The following CCDC74A variants were observed in gnomAD, a reference collection of about 807,000 sequenced individuals.
The protein encoded by CCDC74A is coiled-coil domain containing 74A, also known as coiled-coil domain-containing protein 74A.
In CCDC74A, 38 loss-of-function variants were observed where a neutral mutation model predicts 37.6. That is an observed-to-expected ratio of 1.01 (90% confidence interval 0.78 to 1.33). The LOEUF (loss-of-function observed/expected upper bound fraction) is 1.33. Among genes scored for constraint, CCDC74A ranks in the 40% most tolerant of loss-of-function variants. The pLI, the probability that CCDC74A is intolerant of heterozygous loss-of-function variation, is 0.00. For missense variants in CCDC74A, 340 were observed against 403.4 expected, an observed-to-expected ratio of 0.84 and a Z score of 1.35; for synonymous variants, 134 against 165.2, an observed-to-expected ratio of 0.81 and a Z score of 1.45.
chr2:131,524,886 CAAAAA>C (rs57589680), upstream of CCDC74A, among the ~76,000 whole-genome samples: 22,021 of 97,976 alleles, frequency 0.22, 1,885 homozygotes, highest in East Asian at 0.59. Context: ...CATAGTAAGA[CAAAAA>C]AAAAAAAAAA....
At chr2:131,530,316 T>C in intron 2 of CCDC74A, 1 of 1,543,218 alleles carries the variant, frequency 6.5e-7, no homozygotes, top group Non-Finnish European at 8.7e-7. Flanking sequence ...GACATCTGAC[T>C]GGTGGATGGA....
chr2:131,531,364 A>T (rs1681266703), intron 3 of CCDC74A, among the ~76,000 whole-genome samples: 1 of 151,778 alleles, frequency 6.6e-6, no homozygotes, highest in South Asian at 2.1e-4. Context: ...TGCCGAGGAA[A>T]CCCATGCAGG....
upstream of CCDC74A, among the ~76,000 whole-genome samples, chr2:131,522,829 T>C (rs1257052189): frequency 6.6e-6 from 1 of 152,196 alleles, no homozygotes; most frequent in African/African-American, 2.4e-5. Flanking sequence ...ACCTTTCCCC[T>C]TGGACATCCA....
chr2:131,532,969 T>G (rs1681622122), intron 6 of CCDC74A, 32 bp downstream of exon 6: 1 of 1,613,934 alleles, frequency 6.2e-7, no homozygotes, highest in East Asian at 2.2e-5. Flanking sequence ...GCCCCATCCC[T>G]GGGGTCCTAT....
intron 2 of CCDC74A, 162 bp downstream of exon 2, chr2:131,529,853 T>C (rs1680917983): frequency 6.0e-6 from 9 of 1,499,730 alleles, no homozygotes; most frequent in South Asian, 1.3e-5. Flanking sequence ...TAGCCGTGGC[T>C]GGACGATGTT....
At chr2:131,528,468 C>T (rs758602596) in intron 1 of CCDC74A, 21 of 1,537,942 alleles carry the variant, frequency 1.4e-5, no homozygotes, top group Admixed American at 2.0e-5. Context: ...ATGCTGACTC[C>T]GCCAATCCTC....
At chr2:131,525,911 G>A (rs1195108276), upstream of CCDC74A, among the ~76,000 whole-genome samples, 2 of 151,178 alleles carry the variant, frequency 1.3e-5, no homozygotes, top group Admixed American at 6.6e-5. Flanking sequence ...GTAGAGATGG[G>A]GTTTCACCGT....
In CCDC74A at chr2:131,533,009, C is replaced by T. The variant is rs367995139; in HGVS notation, c.753-4C>T. The T allele has an allele frequency of 8.7e-6, 14 of 1,613,862 alleles. No individual in the cohort carries two copies. The African/African-American group carries it at 1.9e-4, about 22-fold the overall frequency. On this transcript the variant is annotated splice_polypyrimidine_tract_variant and splice_region_variant and intron_variant, in intron 6 of 7. Coordinates refer to ENST00000409856, the MANE Select transcript of CCDC74A (RefSeq NM_001258306.3). The stretch of plus-strand genomic sequence containing the variant: ...AGCTCACTGCTGACTCTTCCTTCAC[C>T]CAGGGACCAAGAAGCCACGCATTTC...
chr2:131,528,250 C>T, intron 1 of CCDC74A, 30 bp downstream of exon 1: 3 of 1,608,472 alleles, frequency 1.9e-6, no homozygotes. Flanking sequence ...TAGGCCGGCC[C>T]TGCCTCCCCA....
intron 1 of CCDC74A, 47 bp from the exon 2 acceptor site, chr2:131,529,600 T>C: frequency 6.2e-7 from 1 of 1,613,378 alleles, no homozygotes; most frequent in Non-Finnish European, 8.5e-7. Context: ...TCTCTCAGAA[T>C]AGCTGTGGTT....
In CCDC74A at chr2:131,531,009, G is replaced by T. The variant is rs530217798; in HGVS notation, c.346+182G>T. 4.8e-3 allele frequency among the ~76,000 whole-genome samples: 723 copies of T among 152,110 alleles called. 5 individuals carry two copies. Among genetic ancestry groups the T allele is most frequent in the African/African-American group, 0.017 (688 of 41,496 alleles). On this transcript the variant is annotated intron_variant, in intron 3 of 7. Coordinates refer to ENST00000409856, the MANE Select transcript of CCDC74A (RefSeq NM_001258306.3). ...GCCACCGGGAGGGGATTAAGGGGGGGTGGGCAGGACCAGGGACCAGTCACA... is the reference window on the plus strand; with the variant it reads ...GCCACCGGGAGGGGATTAAGGGGGGTTGGGCAGGACCAGGGACCAGTCACA...
intron 4 of CCDC74A, 117 bp from the exon 5 acceptor site, chr2:131,532,472 A>G (rs1573552167): frequency 2.5e-6 from 3 of 1,206,786 alleles, no homozygotes; most frequent in African/African-American, 1.5e-5. Flanking sequence ...TCAGTGGGAG[A>G]GGGGAACCAG....
chr2:131,532,960 C>T (rs1476685758), intron 6 of CCDC74A, 23 bp downstream of exon 6: 8 of 1,613,936 alleles, frequency 5.0e-6, no homozygotes, highest in Non-Finnish European at 5.9e-6. Flanking sequence ...TGCACCCCTG[C>T]CCCATCCCTG....
chr2:131,528,473 A>C, intron 1 of CCDC74A: 1 of 1,521,654 alleles, frequency 6.6e-7, no homozygotes, highest in Non-Finnish European at 8.9e-7. Context: ...GACTCCGCCA[A>C]TCCTCTCCTC....
upstream of CCDC74A, among the ~76,000 whole-genome samples, chr2:131,525,746 T>TAC (rs1680280384): frequency 8.2e-6 from 1 of 122,174 alleles, no homozygotes; most frequent in African/African-American, 3.3e-5. Flanking sequence ...TGAGATGGAG[T>TAC]CTTGTTCTGT....
chr2:131,533,223 C>G (rs1681699271), intron 7 of CCDC74A, 46 bp from the exon 8 acceptor site: 1 of 1,610,642 alleles, frequency 6.2e-7, no homozygotes, highest in Admixed American at 1.7e-5. Flanking sequence ...CCCACACACT[C>G]CACTCCCGGG....
chr2:131,529,779 T>C, intron 2 of CCDC74A, 88 bp downstream of exon 2: 3 of 1,571,848 alleles, frequency 1.9e-6, no homozygotes, highest in Non-Finnish European at 2.6e-6. Flanking sequence ...CTGGCTGCAC[T>C]GGCCCCTGTA....
chr2:131,530,319 T>C, intron 2 of CCDC74A: 1 of 1,543,310 alleles, frequency 6.5e-7, no homozygotes, highest in Non-Finnish European at 8.7e-7. Flanking sequence ...ATCTGACTGG[T>C]GGATGGAGCC....
At chr2:131,527,636 T>G, upstream of CCDC74A, 1 of 299,330 alleles carries the variant, frequency 3.3e-6, no homozygotes, top group Non-Finnish European at 6.1e-6. Flanking sequence ...CTGGGATTAC[T>G]GGCTCCCGCC....
Sources: allele counts gnomAD v4.1 joint callset (sites outside exome capture counted in the v4.1 genomes callset), GRCh38; gene constraint gnomAD v4.1.1; transcripts MANE v1.5; gene names NCBI Gene and HGNC (gene_info 2026-07-23, HGNC 2026-07-21).